WWTR1: variants seen among roughly 807,000 people sequenced by gnomAD.
WWTR1 encodes the protein WW domain-containing transcription regulator protein 1.
In WWTR1, 13 loss-of-function variants were observed where a neutral mutation model predicts 40.1. That is an observed-to-expected ratio of 0.32 (90% confidence interval 0.21 to 0.52). The LOEUF (loss-of-function observed/expected upper bound fraction) is 0.52. Among genes scored for constraint, WWTR1 ranks in the 20% least tolerant of loss-of-function variants. The probability of loss-of-function intolerance (pLI) is 0.97; values close to 1 mark genes in which losing one functional copy is unlikely to be tolerated. For synonymous variants in WWTR1, 230 were observed against 210.1 expected (o/e 1.09, Z -0.82); for missense variants, 436 against 523.1 (o/e 0.83, Z 1.63).
chr3:149,635,413 C>T (rs1309841511), intron 2 of WWTR1, among the ~76,000 whole-genome samples: 7 of 151,454 alleles, frequency 4.6e-5, no homozygotes, highest in Non-Finnish European at 7.4e-5. Flanking sequence ...AATGGAGTAA[C>T]GTATTAAGAT....
At chr3:149,674,215 GTCTCTCTC>G (rs79533005) in intron 1 of WWTR1, among the ~76,000 whole-genome samples, 4 of 150,492 alleles carry the variant, frequency 2.7e-5, no homozygotes, top group Non-Finnish European at 5.9e-5. Context: ...GCAAGACACT[GTCTCTCTC>G]TCTCTGTCTC....
At chr3:149,616,590 G>A (rs1439833177) in intron 2 of WWTR1, among the ~76,000 whole-genome samples, 2 of 142,948 alleles carry the variant, frequency 1.4e-5, no homozygotes, top group Admixed American at 7.6e-5. Context: ...TTACAGGGAC[G>A]TGCCACCACA....
At chr3:149,707,966 T>C (rs1179039589), upstream of WWTR1, among the ~76,000 whole-genome samples, 1 of 148,138 alleles carries the variant, frequency 6.8e-6, no homozygotes, top group Admixed American at 6.8e-5. Flanking sequence ...AAACTAGAAT[T>C]ATGGTAATGG....
At chr3:149,694,842 C>T (rs142669937) in intron 1 of WWTR1, among the ~76,000 whole-genome samples, 393 of 152,280 alleles carry the variant, frequency 2.6e-3, no homozygotes, top group East Asian at 0.011. Flanking sequence ...ATCATTATAT[C>T]GAAGAGATGT....
chr3:149,578,595 A>G (rs892253610), intron 2 of WWTR1, among the ~76,000 whole-genome samples: 8 of 152,208 alleles, frequency 5.3e-5, no homozygotes, highest in Non-Finnish European at 1.0e-4. Flanking sequence ...AAAGATAAAA[A>G]TCTTATCTGT....
chr3:149,616,035 A>T (rs1739954678), intron 2 of WWTR1, among the ~76,000 whole-genome samples: 1 of 152,236 alleles, frequency 6.6e-6, no homozygotes, highest in African/African-American at 2.4e-5. Flanking sequence ...CCCTGAGTCA[A>T]TATCCTCAGT....
intron 1 of WWTR1, among the ~76,000 whole-genome samples, chr3:149,675,374 TTG>T (rs1417909041): frequency 6.6e-6 from 1 of 152,224 alleles, no homozygotes; most frequent in African/African-American, 2.4e-5. Context: ...CATCTGAACA[TTG>T]GAGTATCTAG....
chr3:149,547,586 T>A (rs1167086378), intron 3 of WWTR1, among the ~76,000 whole-genome samples: 4 of 151,796 alleles, frequency 2.6e-5, no homozygotes. Context: ...CCAAGCCGGA[T>A]TAAGGGCAGA....
At chr3:149,696,064 G>A (rs148844472) in intron 1 of WWTR1, among the ~76,000 whole-genome samples, 2,880 of 125,244 alleles carry the variant, frequency 0.023, 59 homozygotes, top group South Asian at 0.11. Flanking sequence ...AGTGAGCCGA[G>A]ATCACGCCAC....
exon 5 of WWTR1, chr3:149,717,510 C>G (rs1435621430): frequency 1.3e-5 from 2 of 152,178 alleles, no homozygotes; most frequent in Non-Finnish European, 2.9e-5. Flanking sequence ...AAGAGCAAAG[C>G]TGAACTGTTC....
chr3:149,637,313 C>T (rs190463494), intron 2 of WWTR1, among the ~76,000 whole-genome samples: 13 of 151,880 alleles, frequency 8.6e-5, no homozygotes, highest in Admixed American at 8.5e-4. Flanking sequence ...GCAACCTCTA[C>T]CTCCCAGGCT....
chr3:149,622,238 A>G (rs1274448648), intron 2 of WWTR1, among the ~76,000 whole-genome samples: 1 of 152,110 alleles, frequency 6.6e-6, no homozygotes, highest in Non-Finnish European at 1.5e-5. Context: ...TGTTGTTATT[A>G]TTCTCCCAGG....
At chr3:149,640,393 G>C (rs1016713439) in intron 2 of WWTR1, among the ~76,000 whole-genome samples, 1 of 152,104 alleles carries the variant, frequency 6.6e-6, no homozygotes, top group Non-Finnish European at 1.5e-5. Flanking sequence ...TTTGTCTATA[G>C]ATAAAGGTTA....
At chr3:149,699,720 T>G (rs1429162290) in intron 1 of WWTR1, among the ~76,000 whole-genome samples, 9 of 152,246 alleles carry the variant, frequency 5.9e-5, no homozygotes, top group Non-Finnish European at 1.3e-4. Context: ...CATTTCCATC[T>G]GAGACCTGAT....
chr3:149,669,089 G>A (rs910440827), intron 2 of WWTR1, among the ~76,000 whole-genome samples: 1 of 152,104 alleles, frequency 6.6e-6, no homozygotes, highest in African/African-American at 2.4e-5. Context: ...TTTACCTTTA[G>A]TCAGTCTTTT....
upstream of WWTR1, among the ~76,000 whole-genome samples, chr3:149,661,615 G>T (rs1332673595): frequency 6.6e-6 from 1 of 151,604 alleles, no homozygotes; most frequent in Non-Finnish European, 1.5e-5. Context: ...GTAGAGGCAG[G>T]ATTTCATCAT....
chr3:149,663,645 G>A (rs1012700544), intron 2 of WWTR1, among the ~76,000 whole-genome samples: 6 of 152,090 alleles, frequency 3.9e-5, no homozygotes, highest in Non-Finnish European at 7.4e-5. Flanking sequence ...GCAGTGAGCC[G>A]AGATCATGCC....
At chr3:149,521,721 T>C (rs1019841652) in intron 6 of WWTR1, among the ~76,000 whole-genome samples, 7 of 152,328 alleles carry the variant, frequency 4.6e-5, no homozygotes, top group Non-Finnish European at 7.3e-5. Context: ...AGAGGAAAAG[T>C]AGGTGTCTGG....
intron 3 of WWTR1, among the ~76,000 whole-genome samples, chr3:149,563,861 C>T (rs954711119): frequency 4.6e-5 from 7 of 152,232 alleles, no homozygotes; most frequent in Non-Finnish European, 1.0e-4. Flanking sequence ...AAGCGATTCT[C>T]CTTCCTGAGC....
Sources: gnomAD v4.1 joint callset for allele counts (sites outside exome capture counted in the v4.1 genomes callset) on GRCh38, gnomAD v4.1.1 for gene constraint, MANE v1.5 for transcripts, NCBI Gene and HGNC (gene_info 2026-07-23, HGNC 2026-07-21) for gene names.